Variants in OR2L13 observed in about 807,000 individuals in gnomAD.
OR2L13 encodes olfactory receptor 2L13.
A neutral mutation model predicts 15.3 loss-of-function variants in OR2L13; 14 were observed. The ratio of observed to expected loss-of-function variants is 0.91; its 90% CI spans 0.60 to 1.43. OR2L13 has a LOEUF of 1.43. Among genes scored for constraint, OR2L13 ranks in the 40% most tolerant of loss-of-function variants. The pLI, the probability that OR2L13 is intolerant of heterozygous loss-of-function variation, is 0.00. For missense variants in OR2L13, 367 were observed against 387.9 expected (o/e 0.95, Z 0.45); for synonymous variants, 152 against 142.9 (o/e 1.06, Z -0.45).
At chr1:248,044,619 A>C in the OR2L13 span, among the ~76,000 whole-genome samples, 34 of 91,110 alleles carry the variant, frequency 3.7e-4, 1 homozygote, top group South Asian at 5.0e-3. Flanking sequence ...CTGGCTAACA[A>C]GGTGAAACCC....
the OR2L13 span, among the ~76,000 whole-genome samples, chr1:247,981,193 C>T: frequency 3.3e-5 from 5 of 152,150 alleles, no homozygotes; most frequent in Admixed American, 6.5e-5. Flanking sequence ...GGCTAAATTA[C>T]ATTAGAATAT....
chr1:247,962,763 G>A, the OR2L13 span, among the ~76,000 whole-genome samples: 1 of 151,996 alleles, frequency 6.6e-6, no homozygotes, highest in Admixed American at 6.6e-5. Flanking sequence ...AAATTTAATT[G>A]TTCCTAGATA....
chr1:247,986,731 T>C, the OR2L13 span, among the ~76,000 whole-genome samples: 2 of 152,218 alleles, frequency 1.3e-5, no homozygotes, highest in Non-Finnish European at 2.9e-5. Flanking sequence ...ATATTGATTC[T>C]TCCTACCCAT....
chr1:247,988,958 A>C, the OR2L13 span, among the ~76,000 whole-genome samples: 5,903 of 152,214 alleles, frequency 0.039, 354 homozygotes, highest in African/African-American at 0.13. Context: ...AGGATCCACA[A>C]AGTCTATGTA....
chr1:247,991,600 A>G, the OR2L13 span, among the ~76,000 whole-genome samples: 1 of 149,292 alleles, frequency 6.7e-6, no homozygotes, highest in Non-Finnish European at 1.5e-5. Context: ...GGTGTCAAGT[A>G]GGTTATTTAA....
chr1:247,987,250 A>T, the OR2L13 span, among the ~76,000 whole-genome samples: 4 of 152,172 alleles, frequency 2.6e-5, no homozygotes, highest in Non-Finnish European at 4.4e-5. Flanking sequence ...TTTGTTAATT[A>T]TTTGTAACAG....
the OR2L13 span, chr1:248,022,279 C>A: frequency 1.9e-6 from 3 of 1,613,962 alleles, no homozygotes; most frequent in Non-Finnish European, 2.5e-6. Flanking sequence ...GGTGCAGAAG[C>A]GCTGCTCCTG....
At chr1:248,069,455 A>C in the OR2L13 span, among the ~76,000 whole-genome samples, 2 of 152,222 alleles carry the variant, frequency 1.3e-5, no homozygotes, top group Non-Finnish European at 2.9e-5. Context: ...GGCCTGACCT[A>C]AAAGAGCTCC....
the OR2L13 span, chr1:248,023,428 T>C: frequency 6.6e-6 from 1 of 152,374 alleles, no homozygotes; most frequent in African/African-American, 2.4e-5. Context: ...TATAAAAGAT[T>C]CTATGGAATT....
At chr1:247,960,902 C>G in the OR2L13 span, among the ~76,000 whole-genome samples, 1 of 152,182 alleles carries the variant, frequency 6.6e-6, no homozygotes, top group African/African-American at 2.4e-5. Flanking sequence ...GAGGCCATGC[C>G]TTGCCCTGCT....
the OR2L13 span, chr1:248,038,925 G>A: frequency 3.1e-6 from 5 of 1,614,072 alleles, no homozygotes; most frequent in South Asian, 1.1e-5. Flanking sequence ...CTATGGCCGG[G>A]TTCTCCTTGC....
chr1:247,976,637 AAATCAATAATC>A, the OR2L13 span, among the ~76,000 whole-genome samples: 2 of 152,170 alleles, frequency 1.3e-5, no homozygotes, highest in Admixed American at 1.3e-4. Flanking sequence ...ATCTTTAATG[AAATCAATAATC>A]AATCAATCTA....
chr1:248,063,671 G>T, the OR2L13 span, among the ~76,000 whole-genome samples: 4 of 152,130 alleles, frequency 2.6e-5, no homozygotes, highest in East Asian at 7.7e-4. Context: ...TCCCAGGTAG[G>T]GACATTTGTA....
At chr1:248,071,012 A>G in the OR2L13 span, among the ~76,000 whole-genome samples, 2 of 152,150 alleles carry the variant, frequency 1.3e-5, no homozygotes, top group African/African-American at 4.8e-5. Context: ...AGAGTCCAGG[A>G]CCAGATGGAT....
the OR2L13 span, among the ~76,000 whole-genome samples, chr1:248,075,658 G>A: frequency 6.6e-6 from 1 of 152,170 alleles, no homozygotes; most frequent in East Asian, 1.9e-4. Flanking sequence ...CTTCTTTTGA[G>A]AAGTGTCTGT....
At chr1:247,977,428 C>T in the OR2L13 span, among the ~76,000 whole-genome samples, 6 of 152,006 alleles carry the variant, frequency 3.9e-5, no homozygotes, top group Non-Finnish European at 5.9e-5. Flanking sequence ...GAGCAGAATC[C>T]CATCCATATC....
chr1:247,993,801 GAGAGAGAGAGAAAGAA>G, the OR2L13 span, among the ~76,000 whole-genome samples: 2 of 136,128 alleles, frequency 1.5e-5, no homozygotes, highest in African/African-American at 7.2e-5. Context: ...GAGAGAGAGA[GAGAGAGAGAGAAAGAA>G]AGAGAAAGAA....
the OR2L13 span, among the ~76,000 whole-genome samples, chr1:248,080,331 G>A: frequency 3.3e-5 from 5 of 151,892 alleles, no homozygotes; most frequent in Non-Finnish European, 5.9e-5. Context: ...GAACATGAGC[G>A]GGTTTGTTGC....
At chr1:248,011,555 G>A in the OR2L13 span, among the ~76,000 whole-genome samples, 1 of 152,018 alleles carries the variant, frequency 6.6e-6, no homozygotes, top group South Asian at 2.1e-4. Context: ...TTCCAGCTTG[G>A]TTCCATTCTC....
Sources: gnomAD v4.1 joint callset for allele counts (sites outside exome capture counted in the v4.1 genomes callset) on GRCh38, gnomAD v4.1.1 for gene constraint, MANE v1.5 for transcripts, NCBI Gene and HGNC (gene_info 2026-07-23, HGNC 2026-07-21) for gene names.